Variants in PPID observed in about 807,000 individuals in gnomAD.
The protein encoded by PPID is peptidylprolyl isomerase D.
PPID carries 47 observed loss-of-function variants against 48.1 expected under a neutral mutation model. That is an observed-to-expected ratio of 0.98 (90% CI 0.77 to 1.25). The LOEUF is 1.25. Ranked by LOEUF, PPID falls within the 50% of genes most tolerant of loss-of-function variation. The pLI, the probability that PPID is intolerant of heterozygous loss-of-function variation, is 0.00. For missense variants in PPID, 429 were observed against 443.5 expected, an observed-to-expected ratio of 0.97 and a Z score of 0.29; for synonymous variants, 163 against 148.8, an observed-to-expected ratio of 1.10 and a Z score of -0.69.
At chr4:158,716,206 A>G (rs1240413222) in intron 4 of PPID, among the ~76,000 whole-genome samples, 1 of 152,012 alleles carries the variant, frequency 6.6e-6, no homozygotes, top group Non-Finnish European at 1.5e-5. Flanking sequence ...GATTACAAGC[A>G]TGAGCTACCA....
intron 7 of PPID, 120 bp downstream of exon 7, chr4:158,712,999 T>G: frequency 9.5e-7 from 1 of 1,047,216 alleles, no homozygotes; most frequent in Non-Finnish European, 1.4e-6. Flanking sequence ...AAACAAAATG[T>G]TTTCTTAAGC....
intron 7 of PPID, among the ~76,000 whole-genome samples, chr4:158,712,202 T>C (rs1056290054): frequency 6.6e-6 from 1 of 152,178 alleles, no homozygotes; most frequent in Non-Finnish European, 1.5e-5. Context: ...ATTGCTCTAT[T>C]TGAGGAAGGT....
At chr4:158,723,070 C>T (rs1027076499) in intron 1 of PPID, 134 bp downstream of exon 1, 4 of 872,242 alleles carry the variant, frequency 4.6e-6, no homozygotes, top group South Asian at 1.5e-5. Context: ...CTCCGGCGGA[C>T]CAGCCTAGGC....
chr4:158,722,136 T>A (rs1288170594), intron 1 of PPID, among the ~76,000 whole-genome samples: 3 of 152,234 alleles, frequency 2.0e-5, no homozygotes, highest in Non-Finnish European at 4.4e-5. Flanking sequence ...CTGTCATGTA[T>A]GTATATAAAC....
intron 6 of PPID, among the ~76,000 whole-genome samples, chr4:158,713,622 T>C (rs763259730): frequency 3.9e-5 from 6 of 152,212 alleles, no homozygotes; most frequent in Admixed American, 6.6e-5. Flanking sequence ...GAGAACTCTA[T>C]TGTGTTGATT....
chr4:158,713,440 C>T (rs1005863136), intron 6 of PPID, among the ~76,000 whole-genome samples, 180 bp from the exon 7 acceptor site: 6 of 152,044 alleles, frequency 3.9e-5, no homozygotes, highest in African/African-American at 7.2e-5. Flanking sequence ...TTTTTGTTCC[C>T]CAAAGTGTTC....
intron 4 of PPID, among the ~76,000 whole-genome samples, chr4:158,716,544 C>T (rs1774874776): frequency 6.9e-6 from 1 of 144,002 alleles, no homozygotes; most frequent in South Asian, 2.2e-4. Context: ...ATTGTCTTTC[C>T]CATTGTAGAA....
chr4:158,715,354 G>C lies in PPID; in HGVS notation c.695C>G (p.Thr232Ser). 1 of 1,541,868 alleles carries C rather than the reference G, an allele frequency of 6.5e-7. No individual in the cohort carries two copies. Among genetic ancestry groups the C allele is most frequent in the Non-Finnish European group, 8.7e-7 (1 of 1,146,434 alleles). ...CTCCCAGTTCTGGGATTTGAAAAAA[G>C]TATTTCCAATGTTTTTTAAGTCTTC... Reference protein sequence around the residue: ...ITEDLKNIGNTFFKSQNWEMA... With the variant: ...ITEDLKNIGNSFFKSQNWEMA... Residue 232 changes from threonine (T) to serine (S), a missense_variant, in exon 6 of 10, where the codon ACT becomes AGT. Transcript: ENST00000307720.
chr4:158,716,904 T>A, intron 4 of PPID, 108 bp downstream of exon 4: 1 of 1,120,212 alleles, frequency 8.9e-7, no homozygotes, highest in Admixed American at 2.3e-5. Context: ...GAGGCTGCAG[T>A]GAGCCGAGAC....
At chr4:158,711,861 G>A (rs541992013) in intron 7 of PPID, among the ~76,000 whole-genome samples, 1 of 152,184 alleles carries the variant, frequency 6.6e-6, no homozygotes, top group African/African-American at 2.4e-5. Context: ...CAGCTACTTA[G>A]GAGGCTGAGG....
chr4:158,710,149 G>A, intron 9 of PPID: 1 of 340,476 alleles, frequency 2.9e-6, no homozygotes, highest in Non-Finnish European at 5.4e-6. Flanking sequence ...ATTCATAGTT[G>A]GTTTATTTGA....
In PPID at chr4:158,709,725, C is replaced by G; in HGVS notation, c.*11G>C. The stretch of plus-strand genomic sequence containing the variant: ...TACAATCAACACACAATAAGCAAAA[C>G]TGAATCCTTTCTAAGCAAACATTTT... On this transcript the variant is annotated 3_prime_UTR_variant, in exon 10 of 10. Transcript: ENST00000307720. 1 of 1,571,784 alleles carries G rather than the reference C, an allele frequency of 6.4e-7. No homozygotes were observed. The highest frequency in any genetic ancestry group is 8.7e-7 in the Non-Finnish European group (1 of 1,145,686).
rs989600834 is a variant in PPID at position 158,723,188 on chromosome 4, G to C, written c.85+16C>G. The C allele has an allele frequency of 2.4e-5, 39 of 1,609,476 alleles. No individual in the cohort carries two copies. The highest frequency in any genetic ancestry group is 3.1e-5 in the Non-Finnish European group (37 of 1,177,008). On this transcript the variant is annotated intron_variant, in intron 1 of 9. Transcript: ENST00000307720. ...GCCTCCTCGGGGCTTTTCCGCGAGCGTCAGACTCCGCTCACCTCGCTCCCC... is the reference window on the plus strand; with the variant it reads ...GCCTCCTCGGGGCTTTTCCGCGAGCCTCAGACTCCGCTCACCTCGCTCCCC...
chr4:158,711,153 C>A (rs1464816665), intron 7 of PPID, among the ~76,000 whole-genome samples: 1 of 152,148 alleles, frequency 6.6e-6, no homozygotes, highest in Non-Finnish European at 1.5e-5. Context: ...TTTGTATACA[C>A]TTTTTACTTG....
chr4:158,713,415 G>A (rs1447531983), intron 6 of PPID, among the ~76,000 whole-genome samples, 155 bp from the exon 7 acceptor site: 2 of 152,028 alleles, frequency 1.3e-5, no homozygotes, highest in Admixed American at 6.6e-5. Flanking sequence ...TTTTAAGAAG[G>A]CTTAAAAAAA....
At position 158,721,358 on chromosome 4, in the gene PPID, A is replaced by AT; in HGVS notation, c.210dup (p.Cys71MetfsTer8). ...TTACACATACTTCGATGAAAAGGGCATCCTTTGAAATGGAGAGGTTTCCCA... is the reference window on the plus strand; with the variant it reads ...TTACACATACTTCGATGAAAAGGGCATTCCTTTGAAATGGAGAGGTTTCCCA... On this transcript the variant is annotated frameshift_variant, in exon 2 of 10. Coordinates refer to ENST00000307720, the MANE Select transcript of PPID (RefSeq NM_005038.3). LOFTEE classifies it high-confidence loss of function. 6.2e-7 allele frequency: 1 copy of AT among 1,614,146 alleles called. No individual in the cohort carries two copies.
At chr4:158,712,714 G>A (rs1161387434) in intron 7 of PPID, among the ~76,000 whole-genome samples, 5 of 151,766 alleles carry the variant, frequency 3.3e-5, no homozygotes, top group African/African-American at 7.3e-5. Context: ...CCGAGATTGC[G>A]CCACTGCACT....
At position 158,723,377 on chromosome 4, in the gene PPID, G is replaced by A; in HGVS notation, c.-89C>T. The A allele has an allele frequency of 2.3e-6, 3 of 1,305,270 alleles. No individual in the cohort carries two copies. In the South Asian group the frequency reaches 3.7e-5, roughly 16 times the overall value. 80.9% of individuals were successfully genotyped at this position (1,305,270 alleles called of 1,614,324 possible). The stretch of plus-strand genomic sequence containing the variant: ...AACTCCAGAGTCCGTCTCCGCCGGA[G>A]ACCGGCAGCGACGCTGACCGGCCAC... On this transcript the variant is annotated 5_prime_UTR_variant, in exon 1 of 10. Transcript: ENST00000307720.
At chr4:158,717,373 T>C (rs1326260605) in intron 3 of PPID, among the ~76,000 whole-genome samples, 173 bp from the exon 4 acceptor site, 2 of 152,188 alleles carry the variant, frequency 1.3e-5, no homozygotes, top group Non-Finnish European at 2.9e-5. Context: ...TTACTTTTTA[T>C]TTTTTTATAA....
Sources: allele counts gnomAD v4.1 joint callset (sites outside exome capture counted in the v4.1 genomes callset), GRCh38; gene constraint gnomAD v4.1.1; transcripts MANE v1.5; gene names NCBI Gene and HGNC (gene_info 2026-07-23, HGNC 2026-07-21).